Variants in SLC35E1 observed in about 807,000 individuals in gnomAD.
SLC35E1 encodes the protein solute carrier family 35, member E1.
A neutral mutation model predicts 31.0 loss-of-function variants in SLC35E1; 12 were observed. The observed-to-expected ratio is 0.39, with a 90% CI of 0.25 to 0.63. The LOEUF (loss-of-function observed/expected upper bound fraction) is 0.63. Ranked by LOEUF, SLC35E1 falls within the 20% of genes least tolerant of loss-of-function variation. SLC35E1 has a pLI of 0.52. For synonymous variants in SLC35E1, 257 were observed against 264.1 expected (o/e 0.97, Z 0.26); for missense variants, 429 against 572.2 (o/e 0.75, Z 2.55).
intron 1 of SLC35E1, 36 bp from the exon 2 acceptor site, chr19:16,571,618 T>C: frequency 1.2e-6 from 2 of 1,609,320 alleles, no homozygotes; most frequent in South Asian, 2.2e-5. Flanking sequence ...GGGGGCTGCC[T>C]GAATTTCAGG....
chr19:16,571,748 A>T (rs2085959839), intron 1 of SLC35E1, among the ~76,000 whole-genome samples, 166 bp from the exon 2 acceptor site: 1 of 151,832 alleles, frequency 6.6e-6, no homozygotes, highest in Non-Finnish European at 1.5e-5. Flanking sequence ...TGTCCTGCTT[A>T]CCTCTCAGCT....
In SLC35E1 at chr19:16,572,394, G is replaced by A; in HGVS notation, c.-30C>T. On this transcript the variant is annotated 5_prime_UTR_variant, in exon 1 of 6. It adds an upstream start codon to the 5' untranslated region. Coordinates refer to ENST00000595753, the MANE Select transcript of SLC35E1 (RefSeq NM_024881.5). The surrounding 1 kb of genome is among the most constrained non-coding windows in gnomAD (Gnocchi z 4.1). Reference sequence around the variant, plus strand: ...CCCGAGCGGCCGCCCCTTCCAGCCCGTCCGACGGCCCGACGCCGGGCGGGG... The same window carrying A: ...CCCGAGCGGCCGCCCCTTCCAGCCCATCCGACGGCCCGACGCCGGGCGGGG... 1.0e-6 allele frequency: 1 copy of A among 992,726 alleles called. No homozygotes were observed. The highest frequency in any genetic ancestry group is 1.2e-6 in the Non-Finnish European group (1 of 834,896). The allele number at this position is 992,726 out of a possible 1,614,324, so 61.5% of individuals were successfully genotyped here. A position where few individuals can be genotyped will look rare whatever the true frequency, so the allele number is the denominator to read the frequency against.
chr19:16,565,182 G>A (rs1463651582), intron 4 of SLC35E1: 1 of 452,386 alleles, frequency 2.2e-6, no homozygotes, highest in East Asian at 6.9e-5. Flanking sequence ...ACAGAGACCA[G>A]GGAGGAACTG....
In SLC35E1 at chr19:16,553,578, C is replaced by G; in HGVS notation, c.*101G>C. 8.8e-7 allele frequency: 1 copy of G among 1,130,198 alleles called. No homozygotes were observed. The highest frequency in any genetic ancestry group is 1.2e-6 in the Non-Finnish European group (1 of 818,516). The allele number at this position is 1,130,198 out of a possible 1,614,324, so 70.0% of individuals were successfully genotyped here. A position where few individuals can be genotyped will look rare whatever the true frequency, so the allele number is the denominator to read the frequency against. ...TTCTGATGGAGAGTTATGCACCGTC[C>G]CCTCGGCTGGGTTGTACATTCACTG... is the stretch of plus-strand genomic sequence containing the variant. On this transcript the variant is annotated 3_prime_UTR_variant, in exon 6 of 6. Coordinates refer to ENST00000595753, the MANE Select transcript of SLC35E1 (RefSeq NM_024881.5).
rs1379177752 is a variant in SLC35E1 at position 16,571,572 on chromosome 19, G to A, written c.432C>T (p.Thr144=). 4 of 1,613,752 alleles carry A rather than the reference G, an allele frequency of 2.5e-6. No individual in the cohort carries two copies. The highest frequency in any genetic ancestry group is 1.7e-5 in the Admixed American group (1 of 60,000). ...ACAGGAGGACCACCCAGATGGGCAT[G>A]GTGGCCTTGACTGCAAAGAGAGGGA... ...PVSYAHTVKA[T]MPIWVVLLSR... Residue 144 remains threonine, a synonymous_variant, in exon 2 of 6, where the codon ACC becomes ACT. Coordinates refer to ENST00000595753, the MANE Select transcript of SLC35E1 (RefSeq NM_024881.5).
chr19:16,566,314 G>T, intron 4 of SLC35E1: 1 of 572,194 alleles, frequency 1.7e-6, no homozygotes, highest in Non-Finnish European at 3.0e-6. Context: ...CAGCACCTGG[G>T]ATCAAGCACA....
intron 2 of SLC35E1, among the ~76,000 whole-genome samples, chr19:16,571,158 C>T (rs1336003124): frequency 6.6e-6 from 1 of 151,958 alleles, no homozygotes; most frequent in Admixed American, 6.6e-5. Flanking sequence ...ATCCCTAGTC[C>T]CACTGGAAAG....
At chr19:16,556,786 TCTAC>T (rs893319383) in intron 4 of SLC35E1, 8 of 456,806 alleles carry the variant, frequency 1.8e-5, no homozygotes, top group African/African-American at 1.2e-4. Context: ...CTGCAGGATG[TCTAC>T]CTGACTCCAT....
intron 4 of SLC35E1, among the ~76,000 whole-genome samples, chr19:16,558,502 A>G (rs2085887912): frequency 6.6e-6 from 1 of 150,870 alleles, no homozygotes; most frequent in Non-Finnish European, 1.5e-5. Flanking sequence ...ACACCTGGCT[A>G]ATTTTTCTAT....
chr19:16,554,756 T>C (rs1250675134), intron 5 of SLC35E1, among the ~76,000 whole-genome samples: 6 of 144,528 alleles, frequency 4.2e-5, no homozygotes, highest in Admixed American at 7.2e-5. Flanking sequence ...AGGCGGAGGT[T>C]GCAGTAAGCT....
At chr19:16,571,674 C>T in intron 1 of SLC35E1, 92 bp from the exon 2 acceptor site, 1 of 1,339,074 alleles carries the variant, frequency 7.5e-7, no homozygotes. Context: ...GGCCTGGCAG[C>T]CCCTCACACC....
At chr19:16,570,530 A>G (rs904894727) in intron 2 of SLC35E1, among the ~76,000 whole-genome samples, 14 of 152,220 alleles carry the variant, frequency 9.2e-5, no homozygotes, top group African/African-American at 3.4e-4. Flanking sequence ...AGAATACGGG[A>G]TAAAGCTGTC....
At position 16,572,105 on chromosome 19, in the gene SLC35E1, G is replaced by C. The variant is rs2085962844; in HGVS notation, c.260C>G (p.Pro87Arg). 1.3e-6 allele frequency: 2 copies of C among 1,513,788 alleles called. No homozygotes were observed. Among genetic ancestry groups the C allele is most frequent in the South Asian group, 2.5e-5 (2 of 80,514 alleles). 93.8% of individuals were successfully genotyped at this position (1,513,788 alleles called of 1,614,324 possible). A position where few individuals can be genotyped will look rare whatever the true frequency, so the allele number is the denominator to read the frequency against. The change falls in exon 1 of 6, where the codon CCC becomes CGC. Residue 87 changes from proline (P) to arginine (R), a missense_variant. Coordinates refer to ENST00000595753, the MANE Select transcript of SLC35E1 (RefSeq NM_024881.5). The surrounding 1 kb of genome is among the most constrained non-coding windows in gnomAD (Gnocchi z 4.1). ...CGGACTGGGTCCGGGGCCCGAGACG[G>C]GCGGCGCGGGGGGCACGCGCCAGGC... ...LRAWRVPPAPPVSGPGPSPHP... is the reference protein window; with the variant it reads ...LRAWRVPPAPRVSGPGPSPHP...
intron 4 of SLC35E1, chr19:16,565,340 G>T (rs1465000445): frequency 1.7e-4 from 56 of 338,430 alleles, no homozygotes; most frequent in Middle Eastern, 1.1e-3. Flanking sequence ...CCTCCCAAGT[G>T]GCTGGGATTA....
intron 3 of SLC35E1, 46 bp from the exon 4 acceptor site, chr19:16,566,703 G>T (rs1454423008): frequency 6.3e-7 from 1 of 1,577,590 alleles, no homozygotes; most frequent in East Asian, 2.3e-5. Flanking sequence ...ACTATATGTG[G>T]CAAAAAGGGC....
chr19:16,552,794 C>T lies in SLC35E1; in HGVS notation c.*885G>A, dbSNP rs2085852226. The T allele has an allele frequency of 6.6e-6, 1 of 152,194 alleles. No homozygotes were observed. The highest frequency in any genetic ancestry group is 2.1e-4 in the South Asian group (1 of 4,834). The allele number at this position is 152,194 out of a possible 1,614,324, so 9.4% of individuals were successfully genotyped here. A position where few individuals can be genotyped will look rare whatever the true frequency, so the allele number is the denominator to read the frequency against. ...CCTCCGAAAATCAAGATCTCTCTAC[C>T]AAACAACATACCAAGTCATCACAGA... is the stretch of plus-strand genomic sequence containing the variant. On this transcript the variant is annotated 3_prime_UTR_variant, in exon 6 of 6. Transcript: ENST00000595753.
Position 16,555,513 on chromosome 19 carries a change from T to C in SLC35E1, c.757-116A>G. Reference sequence around the variant, plus strand: ...GTGGAGGGGCTCATCTGGAGCCTCATGGTCCACAGGCAGCCAGTCCAGATG... The same window carrying C: ...GTGGAGGGGCTCATCTGGAGCCTCACGGTCCACAGGCAGCCAGTCCAGATG... On this transcript the variant is annotated intron_variant, in intron 4 of 5. Transcript: ENST00000595753. This position sits in a 1 kb window ranked among gnomAD's most constrained non-coding sequence, Gnocchi z 4.1. 7.1e-7 allele frequency: 1 copy of C among 1,412,500 alleles called. No individual in the cohort carries two copies. The highest frequency in any genetic ancestry group is 1.4e-5 in the South Asian group (1 of 72,076). The allele number at this position is 1,412,500 out of a possible 1,614,324, so 87.5% of individuals were successfully genotyped here.
chr19:16,558,871 G>C (rs2085890093), intron 4 of SLC35E1, among the ~76,000 whole-genome samples: 1 of 149,494 alleles, frequency 6.7e-6, no homozygotes, highest in Non-Finnish European at 1.5e-5. Context: ...CCACGTTCAA[G>C]CAGTTCTCCT....
intron 4 of SLC35E1, chr19:16,564,004 C>G (rs980334447): frequency 6.6e-6 from 1 of 152,196 alleles, no homozygotes; most frequent in Admixed American, 6.5e-5. Context: ...CTGAAAGTGA[C>G]GCTAATTGCT....
Sources: gnomAD v4.1 joint callset for allele counts (sites outside exome capture counted in the v4.1 genomes callset) on GRCh38, gnomAD v4.1.1 for gene constraint, Gnocchi (gnomAD v3.1) non-coding constraint, MANE v1.5 for transcripts, NCBI Gene and HGNC (gene_info 2026-07-23, HGNC 2026-07-21) for gene names.